Variants in CA1 observed in about 807,000 individuals in gnomAD.
The protein encoded by CA1 is carbonate dehydratase I.
CA1 carries 27 observed loss-of-function variants against 28.8 expected under a neutral mutation model. The observed-to-expected ratio is 0.94, with a 90% CI of 0.69 to 1.29. The LOEUF (loss-of-function observed/expected upper bound fraction) is 1.29. CA1 is among the 50% of genes most tolerant of loss of function. The probability of loss-of-function intolerance (pLI) is 0.00; values close to 1 mark genes in which losing one functional copy is unlikely to be tolerated. For synonymous variants in CA1, 121 were observed against 108.8 expected (o/e 1.11, Z -0.70); for missense variants, 335 against 310.5 (o/e 1.08, Z -0.59).
chr8:85,369,949 A>C (rs1810156514), intron 1 of CA1, among the ~76,000 whole-genome samples: 1 of 152,230 alleles, frequency 6.6e-6, no homozygotes, highest in African/African-American at 2.4e-5. Flanking sequence ...GATCCCTGGA[A>C]TTTGGCTACC....
chr8:85,366,010 C>G (rs1809991400), intron 1 of CA1, among the ~76,000 whole-genome samples: 1 of 152,128 alleles, frequency 6.6e-6, no homozygotes, highest in Non-Finnish European at 1.5e-5. Flanking sequence ...GTCTCTCAGT[C>G]TTTGGAGAAA....
At chr8:85,365,496 G>A (rs75193500) in intron 1 of CA1, among the ~76,000 whole-genome samples, 3,153 of 152,328 alleles carry the variant, frequency 0.021, 232 homozygotes, top group Admixed American at 0.14. Flanking sequence ...GGCTGGGGAA[G>A]CCAAATATGG....
chr8:85,360,972 T>C lies in CA1; in HGVS notation c.-25+17074A>G, dbSNP rs572395760. ...CCAGGCCCTGGGGAGACCACGCTCC[T>C]GTAGGGAATGTGGGTTCTGCAAGAA... is the stretch of plus-strand genomic sequence containing the variant. On this transcript the variant is annotated intron_variant, in intron 1 of 7. Coordinates refer to ENST00000523022, the MANE Select transcript of CA1 (RefSeq NM_001128831.4). Among the ~76,000 whole-genome samples, 236 of 152,346 alleles carry C rather than the reference T, an allele frequency of 1.5e-3. 1 individual carries two copies. Among genetic ancestry groups the C allele is most frequent in the Non-Finnish European group, 2.6e-3 (176 of 68,032 alleles).
chr8:85,349,750 T>G (rs1225200641), intron 1 of CA1: 2 of 152,230 alleles, frequency 1.3e-5, no homozygotes, highest in Non-Finnish European at 2.9e-5. Flanking sequence ...ACTTGTGATT[T>G]ATGCTTCCTG....
intron 1 of CA1, among the ~76,000 whole-genome samples, chr8:85,347,517 C>A (rs942663157): frequency 6.6e-6 from 1 of 152,128 alleles, no homozygotes; most frequent in African/African-American, 2.4e-5. Flanking sequence ...ATATGCCTTG[C>A]CTGTAATTTC....
At chr8:85,362,406 G>C (rs1189532590) in intron 1 of CA1, among the ~76,000 whole-genome samples, 1 of 152,148 alleles carries the variant, frequency 6.6e-6, no homozygotes, top group Non-Finnish European at 1.5e-5. Flanking sequence ...GCCTACTACA[G>C]GTAGGAAGCA....
At chr8:85,365,864 A>C (rs1438913469) in intron 1 of CA1, among the ~76,000 whole-genome samples, 1 of 152,192 alleles carries the variant, frequency 6.6e-6, no homozygotes, top group Non-Finnish European at 1.5e-5. Context: ...AGGGACCTCC[A>C]AAATAATGAA....
intron 1 of CA1, among the ~76,000 whole-genome samples, chr8:85,348,813 G>A (rs1809298706): frequency 6.6e-6 from 1 of 152,118 alleles, no homozygotes; most frequent in Non-Finnish European, 1.5e-5. Flanking sequence ...GAGGATTAAC[G>A]ATTAATACAC....
intron 2 of CA1, among the ~76,000 whole-genome samples, chr8:85,340,130 C>G (rs1808855495): frequency 6.6e-6 from 1 of 152,206 alleles, no homozygotes; most frequent in Admixed American, 6.5e-5. Flanking sequence ...GAGATAGCAT[C>G]TAGGACTTTC....
rs766848867 is a variant in CA1, at chr8:85,376,385, G to A, written c.-25+1661C>T. Among the ~76,000 whole-genome samples the A allele has an allele frequency of 1.4e-4, 22 of 151,770 alleles. 1 individual carries two copies. The highest frequency in any genetic ancestry group is 6.8e-3 in the Middle Eastern group (2 of 294). Reference sequence around the variant, plus strand: ...CTTTAAAAATTGGGTAAGGGGGCCGGGCACGGTGCCTCACACCTATAATCC... The same window carrying A: ...CTTTAAAAATTGGGTAAGGGGGCCGAGCACGGTGCCTCACACCTATAATCC... On this transcript the variant is annotated intron_variant, in intron 1 of 7. Transcript: ENST00000523022.
rs759441062 is a variant in CA1, at chr8:85,333,584, T to TGGA, written c.388_390dup (p.Ser131dup). The TGGA allele has an allele frequency of 6.2e-7, 1 of 1,612,746 alleles. No homozygotes were observed. Among genetic ancestry groups the TGGA allele is most frequent in the South Asian group, 1.1e-5 (1 of 91,060 alleles). ...GCCTTTGAGGCAGCTTCAGCAAGGC[T>TGGA]GGAGTACTTTGCAGAATTCCAGTGA... On this transcript the variant is annotated inframe_insertion, in exon 5 of 8. Transcript: ENST00000523022.
intron 1 of CA1, among the ~76,000 whole-genome samples, chr8:85,352,049 C>T (rs531279652): frequency 3.4e-4 from 52 of 152,292 alleles, no homozygotes; most frequent in African/African-American, 1.2e-3. Context: ...TCAGGCACCA[C>T]AACTTCTGGT....
chr8:85,362,915 G>A (rs1198055084), intron 1 of CA1, among the ~76,000 whole-genome samples: 1 of 152,128 alleles, frequency 6.6e-6, no homozygotes, highest in Non-Finnish European at 1.5e-5. Flanking sequence ...AACTAAAGAT[G>A]TGTAGTTTGG....
At chr8:85,360,903 T>A (rs1247068359) in intron 1 of CA1, among the ~76,000 whole-genome samples, 1 of 152,170 alleles carries the variant, frequency 6.6e-6, no homozygotes, top group Non-Finnish European at 1.5e-5. Flanking sequence ...ATCATCTACT[T>A]GTGCACCACC....
chr8:85,353,912 C>T (rs1809504335), intron 1 of CA1, among the ~76,000 whole-genome samples: 1 of 152,054 alleles, frequency 6.6e-6, no homozygotes. Context: ...CTTCTCACTG[C>T]TTAGATTCTA....
At chr8:85,333,378 G>A in intron 5 of CA1, 147 bp downstream of exon 5, 1 of 604,104 alleles carries the variant, frequency 1.7e-6, no homozygotes, top group Non-Finnish European at 3.0e-6. Flanking sequence ...TAAAATACTA[G>A]GGAACTATTT....
chr8:85,361,443 G>A (rs866259051), intron 1 of CA1, among the ~76,000 whole-genome samples: 17 of 152,162 alleles, frequency 1.1e-4, no homozygotes, highest in Non-Finnish European at 2.2e-4. Flanking sequence ...TTGGGAAGCC[G>A]AAGCGGGATG....
At chr8:85,343,554 C>G (rs1809012283) in intron 1 of CA1, among the ~76,000 whole-genome samples, 1 of 152,072 alleles carries the variant, frequency 6.6e-6, no homozygotes, top group African/African-American at 2.4e-5. Flanking sequence ...AGCAGGCTAC[C>G]CCCTGCCAGG....
intron 1 of CA1, among the ~76,000 whole-genome samples, chr8:85,357,897 C>G (rs1158520194): frequency 2.0e-5 from 3 of 152,218 alleles, no homozygotes; most frequent in Non-Finnish European, 4.4e-5. Context: ...TTGTCTCACT[C>G]TGAGCATCTG....
Sources: gnomAD v4.1 joint callset for allele counts (sites outside exome capture counted in the v4.1 genomes callset) on GRCh38, gnomAD v4.1.1 for gene constraint, MANE v1.5 for transcripts, NCBI Gene and HGNC (gene_info 2026-07-23, HGNC 2026-07-21) for gene names.